CNTNAP5: variants seen among roughly 807,000 people sequenced by gnomAD.
The protein encoded by CNTNAP5 is contactin-associated protein-like 5.
CNTNAP5 carries 72 observed loss-of-function variants against 150.2 expected under a neutral mutation model. That is an observed-to-expected ratio of 0.48 (90% confidence interval 0.40 to 0.58). CNTNAP5 has a LOEUF of 0.58. Ranked by LOEUF, CNTNAP5 falls within the 20% of genes least tolerant of loss-of-function variation. The pLI is 0.00. For missense variants in CNTNAP5, 1,636 were observed against 1,626.2 expected (o/e 1.01, Z -0.10); for synonymous variants, 672 against 619.8 (o/e 1.08, Z -1.25).
At chr2:124,790,294 T>A (rs747895785) in intron 18 of CNTNAP5, among the ~76,000 whole-genome samples, 153 bp downstream of exon 18, 23 of 152,226 alleles carry the variant, frequency 1.5e-4, no homozygotes, top group Non-Finnish European at 2.5e-4. Flanking sequence ...TAATTGCATA[T>A]ACTTATTGGT....
intron 19 of CNTNAP5, among the ~76,000 whole-genome samples, chr2:124,799,058 A>T (rs1681910738): frequency 6.6e-6 from 1 of 152,110 alleles, no homozygotes; most frequent in Admixed American, 6.6e-5. Flanking sequence ...TTTAAATTTT[A>T]TTTATTATTT....
chr2:124,201,992 A>T (rs1043669196), intron 1 of CNTNAP5, among the ~76,000 whole-genome samples: 15 of 152,138 alleles, frequency 9.9e-5, no homozygotes, highest in African/African-American at 3.4e-4. Context: ...CGTAATCAAA[A>T]TCTGAGTCAT....
chr2:124,217,724 A>G (rs868560268), intron 1 of CNTNAP5, among the ~76,000 whole-genome samples: 60 of 152,202 alleles, frequency 3.9e-4, no homozygotes, highest in African/African-American at 1.4e-3. Context: ...AAAATCATTA[A>G]AATATTTGCT....
chr2:124,592,084 C>T (rs1477857142), intron 11 of CNTNAP5, among the ~76,000 whole-genome samples: 2 of 152,076 alleles, frequency 1.3e-5, no homozygotes, highest in Non-Finnish European at 2.9e-5. Context: ...GAACTATATT[C>T]CATGAGTGCA....
chr2:124,902,211 T>A (rs918597940), intron 21 of CNTNAP5, among the ~76,000 whole-genome samples: 3 of 152,166 alleles, frequency 2.0e-5, no homozygotes, highest in Admixed American at 6.6e-5. Flanking sequence ...TTGCTATGAA[T>A]CCCAAATTAT....
chr2:124,756,237 G>A (rs765283865), intron 14 of CNTNAP5, among the ~76,000 whole-genome samples: 13 of 152,170 alleles, frequency 8.5e-5, no homozygotes, highest in Non-Finnish European at 1.3e-4. Context: ...ATACCAGTCA[G>A]AATGGCTATT....
intron 13 of CNTNAP5, among the ~76,000 whole-genome samples, chr2:124,699,588 C>A (rs1055366321): frequency 1.3e-5 from 2 of 152,172 alleles, no homozygotes; most frequent in African/African-American, 4.8e-5. Context: ...CACCCACCAA[C>A]CTCTCCCTTG....
At chr2:124,420,707 G>A (rs1013199462) in intron 4 of CNTNAP5, among the ~76,000 whole-genome samples, 5 of 152,124 alleles carry the variant, frequency 3.3e-5, no homozygotes, top group African/African-American at 7.2e-5. Flanking sequence ...TGAGAGAGAC[G>A]AAAATTCACC....
intron 3 of CNTNAP5, among the ~76,000 whole-genome samples, chr2:124,248,854 G>A (rs1366290359): frequency 6.6e-6 from 1 of 152,178 alleles, no homozygotes; most frequent in Non-Finnish European, 1.5e-5. Flanking sequence ...GGTTGCATGT[G>A]TAGTGGGATA....
At chr2:124,739,017 TG>T (rs1169226269) in intron 13 of CNTNAP5, among the ~76,000 whole-genome samples, 1 of 152,210 alleles carries the variant, frequency 6.6e-6, no homozygotes, top group African/African-American at 2.4e-5. Flanking sequence ...TCCATCTCTT[TG>T]TCTAACCATG....
intron 14 of CNTNAP5, among the ~76,000 whole-genome samples, chr2:124,753,723 C>T (rs1013862063): frequency 4.6e-5 from 7 of 152,228 alleles, no homozygotes; most frequent in East Asian, 1.9e-4. Context: ...CACTGATGGA[C>T]GCTGAGATTG....
At chr2:124,670,217 C>G (rs1431538002) in intron 13 of CNTNAP5, among the ~76,000 whole-genome samples, 1 of 33,600 alleles carries the variant, frequency 3.0e-5, no homozygotes, top group Non-Finnish European at 7.1e-5. Flanking sequence ...TTCTTTCCCT[C>G]TTTCTTTCTT....
intron 19 of CNTNAP5, among the ~76,000 whole-genome samples, chr2:124,838,563 C>A (rs1294695356): frequency 1.3e-5 from 2 of 152,172 alleles, no homozygotes; most frequent in African/African-American, 4.8e-5. Flanking sequence ...CTGAAGGCAA[C>A]ATTCCTAACT....
At position 124,457,819 on chromosome 2, in the gene CNTNAP5, A is replaced by G. The variant is rs577314001; in HGVS notation, c.918+10882A>G. On this transcript the variant is annotated intron_variant, in intron 6 of 23. Coordinates refer to ENST00000682447, the MANE Select transcript of CNTNAP5 (RefSeq NM_001367498.1). ...CAACAAACATATGAAAAAATGCTCAATATCACTAATGATCAGGAAAATGCA... is the reference window on the plus strand; with the variant it reads ...CAACAAACATATGAAAAAATGCTCAGTATCACTAATGATCAGGAAAATGCA... Among the ~76,000 whole-genome samples, 56 of 152,300 alleles carry G rather than the reference A, an allele frequency of 3.7e-4. No homozygotes were observed. In the South Asian group the frequency reaches 0.012, roughly 32 times the overall value.
At chr2:124,390,256 A>G (rs1323561082) in intron 3 of CNTNAP5, among the ~76,000 whole-genome samples, 1 of 152,114 alleles carries the variant, frequency 6.6e-6, no homozygotes, top group African/African-American at 2.4e-5. Context: ...TGTGATTTTG[A>G]TTTCTCATCT....
At chr2:124,900,472 A>G (rs971373971) in intron 21 of CNTNAP5, among the ~76,000 whole-genome samples, 2 of 151,496 alleles carry the variant, frequency 1.3e-5, no homozygotes, top group African/African-American at 4.9e-5. Flanking sequence ...TTTCAGAAAC[A>G]CCTCAAGGTT....
intron 20 of CNTNAP5, 77 bp downstream of exon 20, chr2:124,865,513 T>C: frequency 7.2e-7 from 1 of 1,383,540 alleles, no homozygotes; most frequent in Non-Finnish European, 1.0e-6. Flanking sequence ...TTCTACCCCA[T>C]GCCAGTGTAG....
chr2:124,550,874 C>G (rs905524936), intron 10 of CNTNAP5, among the ~76,000 whole-genome samples: 9 of 151,970 alleles, frequency 5.9e-5, no homozygotes, highest in Non-Finnish European at 1.0e-4. Context: ...TCTAAAGTTC[C>G]CAGGTAGCAA....
chr2:124,669,574 C>A (rs943503178), intron 13 of CNTNAP5, among the ~76,000 whole-genome samples: 3 of 152,194 alleles, frequency 2.0e-5, no homozygotes, highest in Admixed American at 1.3e-4. Context: ...AAATTTAGAT[C>A]TCCAGCCAAG....
Sources: allele counts gnomAD v4.1 joint callset (sites outside exome capture counted in the v4.1 genomes callset), GRCh38; gene constraint gnomAD v4.1.1; transcripts MANE v1.5; gene names NCBI Gene and HGNC (gene_info 2026-07-23, HGNC 2026-07-21).